The following EPB41L4A variants were observed in gnomAD, a reference collection of about 807,000 sequenced individuals.
The protein encoded by EPB41L4A is erythrocyte membrane protein band 4.1 like 4A.
EPB41L4A carries 100 observed loss-of-function variants against 108.6 expected under a neutral mutation model. The observed-to-expected ratio is 0.92, with a 90% confidence interval of 0.78 to 1.09. The LOEUF is 1.09. Ranked by LOEUF, EPB41L4A falls within the 50% of genes least tolerant of loss-of-function variation. EPB41L4A has a pLI of 0.00. For missense variants in EPB41L4A, 1,030 were observed against 842.7 expected, an observed-to-expected ratio of 1.22 and a Z score of -2.75; for synonymous variants, 319 against 289.0, an observed-to-expected ratio of 1.10 and a Z score of -1.05.
intron 12 of EPB41L4A, among the ~76,000 whole-genome samples, chr5:112,229,693 A>G (rs1748727832): frequency 6.6e-6 from 1 of 152,166 alleles, no homozygotes; most frequent in South Asian, 2.1e-4. Context: ...CTTCACTTAG[A>G]GTAACGGTCT....
At chr5:112,261,291 G>A (rs1450251996) in intron 7 of EPB41L4A, among the ~76,000 whole-genome samples, 1 of 151,936 alleles carries the variant, frequency 6.6e-6, no homozygotes, top group East Asian at 1.9e-4. Flanking sequence ...TTTCTTCTTG[G>A]AGGAAATGCT....
chr5:112,172,461 G>A (rs950006557), intron 18 of EPB41L4A, among the ~76,000 whole-genome samples: 3 of 148,392 alleles, frequency 2.0e-5, no homozygotes, highest in Middle Eastern at 3.6e-3. Flanking sequence ...GCAGTAAGCC[G>A]AGATCACACC....
chr5:112,374,813 T>C (rs1189561684), intron 1 of EPB41L4A, among the ~76,000 whole-genome samples: 1 of 152,236 alleles, frequency 6.6e-6, no homozygotes, highest in African/African-American at 2.4e-5. Context: ...GGCAAGACTG[T>C]CACTACTAAA....
chr5:112,167,972 G>T (rs900517771), intron 22 of EPB41L4A, among the ~76,000 whole-genome samples: 3 of 152,168 alleles, frequency 2.0e-5, no homozygotes, highest in African/African-American at 7.2e-5. Context: ...TTTTCTAAAG[G>T]ATCCATGATC....
intron 12 of EPB41L4A, among the ~76,000 whole-genome samples, chr5:112,217,775 T>TA (rs1483036277): frequency 6.6e-6 from 1 of 152,152 alleles, no homozygotes; most frequent in Non-Finnish European, 1.5e-5. Flanking sequence ...TAGATATACA[T>TA]AGACTTTTTA....
At chr5:112,312,045 A>G (rs569694920) in intron 1 of EPB41L4A, among the ~76,000 whole-genome samples, 1 of 152,260 alleles carries the variant, frequency 6.6e-6, no homozygotes, top group Non-Finnish European at 1.5e-5. Context: ...TATGTAAATC[A>G]AATCTGTCTT....
chr5:112,411,221 A>C (rs1481945547), intron 1 of EPB41L4A, among the ~76,000 whole-genome samples: 1 of 152,164 alleles, frequency 6.6e-6, no homozygotes, highest in Non-Finnish European at 1.5e-5. Context: ...TCCAGAAAAT[A>C]AGGAAGTTGG....
chr5:112,195,216 T>C (rs1442735998), intron 16 of EPB41L4A, among the ~76,000 whole-genome samples: 1 of 152,046 alleles, frequency 6.6e-6, no homozygotes, highest in Admixed American at 6.6e-5. Context: ...GGAGAAACTA[T>C]GCAGAGAGGT....
chr5:112,249,463 T>G (rs1750494743), intron 9 of EPB41L4A: 2 of 152,210 alleles, frequency 1.3e-5, no homozygotes, highest in Admixed American at 1.3e-4. Context: ...GTAAGTCTTT[T>G]GAAAAATTTT....
intron 12 of EPB41L4A, among the ~76,000 whole-genome samples, chr5:112,231,716 C>A (rs921451334): frequency 7.6e-6 from 1 of 132,056 alleles, no homozygotes; most frequent in Non-Finnish European, 1.5e-5. Context: ...ACCCGGGAGG[C>A]GGAGCTTGCA....
intron 1 of EPB41L4A, among the ~76,000 whole-genome samples, chr5:112,409,615 A>T (rs1361236472): frequency 6.6e-6 from 1 of 152,210 alleles, no homozygotes; most frequent in Non-Finnish European, 1.5e-5. Context: ...ATGTCAACGT[A>T]AAGATACTTT....
chr5:112,285,891 A>C (rs1753248565), intron 2 of EPB41L4A, among the ~76,000 whole-genome samples: 1 of 152,176 alleles, frequency 6.6e-6, no homozygotes, highest in Non-Finnish European at 1.5e-5. Flanking sequence ...AACTATTATA[A>C]TTACCATTTT....
chr5:112,344,324 C>T (rs1757506097), intron 1 of EPB41L4A, among the ~76,000 whole-genome samples: 2 of 152,176 alleles, frequency 1.3e-5, no homozygotes, highest in African/African-American at 4.8e-5. Context: ...TTCTGTAGGA[C>T]ATCCCTGGGC....
intron 7 of EPB41L4A, 63 bp from the exon 8 acceptor site, chr5:112,260,042 A>C: frequency 8.5e-7 from 1 of 1,171,580 alleles, no homozygotes; most frequent in Non-Finnish European, 1.3e-6. Context: ...TCAAACTATA[A>C]TTGACCATAC....
At chr5:112,251,052 G>A (rs979999250) in intron 9 of EPB41L4A, among the ~76,000 whole-genome samples, 9 of 152,148 alleles carry the variant, frequency 5.9e-5, no homozygotes, top group Non-Finnish European at 1.2e-4. Context: ...AGTCCATCAC[G>A]AAATCTGAAA....
chr5:112,251,562 GA>G (rs1291546148), intron 9 of EPB41L4A, among the ~76,000 whole-genome samples: 1 of 151,978 alleles, frequency 6.6e-6, no homozygotes, highest in African/African-American at 2.4e-5. Context: ...TTTTAGGAAA[GA>G]AAGAATGAAG....
intron 4 of EPB41L4A, among the ~76,000 whole-genome samples, chr5:112,271,859 G>T (rs535715846): frequency 1.4e-3 from 217 of 152,290 alleles, no homozygotes; most frequent in African/African-American, 5.0e-3. Context: ...TTAATAGGAA[G>T]CTGGCTGATG....
At chr5:112,368,338 C>T (rs934591295) in intron 1 of EPB41L4A, among the ~76,000 whole-genome samples, 3 of 152,110 alleles carry the variant, frequency 2.0e-5, no homozygotes, top group African/African-American at 7.2e-5. Context: ...ATGTGTGACG[C>T]CACTCCCTCC....
At chr5:112,182,503 T>C (rs1021322701) in intron 18 of EPB41L4A, among the ~76,000 whole-genome samples, 5 of 152,260 alleles carry the variant, frequency 3.3e-5, no homozygotes, top group African/African-American at 1.2e-4. Flanking sequence ...TTTTTCTAAT[T>C]TTATTTTACT....
Sources: gnomAD v4.1 joint callset for allele counts (sites outside exome capture counted in the v4.1 genomes callset) on GRCh38, gnomAD v4.1.1 for gene constraint, MANE v1.5 for transcripts, NCBI Gene and HGNC (gene_info 2026-07-23, HGNC 2026-07-21) for gene names.